The following GIT2 variants were observed in gnomAD, a reference collection of about 807,000 sequenced individuals.
GIT2 encodes ARF GTPase-activating protein GIT2.
GIT2 carries 32 observed loss-of-function variants against 100.3 expected under a neutral mutation model. The ratio of observed to expected loss-of-function variants is 0.32; its 90% CI spans 0.24 to 0.43. The LOEUF (loss-of-function observed/expected upper bound fraction) is 0.43. Among genes scored for constraint, GIT2 ranks in the 20% least tolerant of loss-of-function variants. The pLI is 1.00. For synonymous variants in GIT2, 353 were observed against 364.1 expected (o/e 0.97, Z 0.35); for missense variants, 737 against 975.1 (o/e 0.76, Z 3.25).
chr12:109,976,227 T>C (rs1885010085), intron 7 of GIT2, among the ~76,000 whole-genome samples: 1 of 152,086 alleles, frequency 6.6e-6, no homozygotes, highest in African/African-American at 2.4e-5. Flanking sequence ...TATCCCCTTT[T>C]ATATTATAGT....
At chr12:109,992,863 G>A (rs1888677548) in intron 1 of GIT2, among the ~76,000 whole-genome samples, 1 of 151,760 alleles carries the variant, frequency 6.6e-6, no homozygotes. Context: ...GTACAGACGA[G>A]GTTTCACCAT....
At chr12:109,950,970 T>G in intron 14 of GIT2, 197 bp downstream of exon 14, 1 of 616,442 alleles carries the variant, frequency 1.6e-6, no homozygotes, top group Non-Finnish European at 2.9e-6. Context: ...TTCTCCTACC[T>G]GGGGAACTTA....
chr12:109,961,154 A>G (rs2136395054), intron 11 of GIT2, 124 bp downstream of exon 11: 4 of 614,404 alleles, frequency 6.5e-6, no homozygotes, highest in South Asian at 6.1e-5. Context: ...TTGTGTGTGT[A>G]TATATGTATA....
At chr12:109,951,610 CTTGTT>C (rs1185645900) in intron 13 of GIT2, among the ~76,000 whole-genome samples, 4 of 152,208 alleles carry the variant, frequency 2.6e-5, no homozygotes, top group African/African-American at 7.2e-5. Context: ...CTCGTTCACT[CTTGTT>C]TTGTTTTTAT....
chr12:109,995,650 C>T (rs1328403936), intron 1 of GIT2, among the ~76,000 whole-genome samples: 1 of 152,176 alleles, frequency 6.6e-6, no homozygotes, highest in African/African-American at 2.4e-5. Flanking sequence ...GTTTGGAAGA[C>T]CCCGATCTCC....
intron 16 of GIT2, among the ~76,000 whole-genome samples, chr12:109,942,429 G>A (rs1875048544): frequency 6.6e-6 from 1 of 152,064 alleles, no homozygotes; most frequent in Admixed American, 6.6e-5. Flanking sequence ...GGCCTCCCAG[G>A]TTCAAGTGAT....
upstream of GIT2, chr12:109,998,304 A>C (rs1889738346): frequency 6.6e-6 from 1 of 152,242 alleles, no homozygotes; most frequent in Admixed American, 6.5e-5. Flanking sequence ...AACAACTCAC[A>C]AATCTTCTGG....
At chr12:109,992,765 G>C (rs10083041) in intron 1 of GIT2, among the ~76,000 whole-genome samples, 12,509 of 151,722 alleles carry the variant, frequency 0.082, 554 homozygotes, top group Middle Eastern at 0.13. Context: ...TCTGCCTCCA[G>C]GGTTCAAGCG....
At chr12:109,991,985 AAC>A (rs1179767441) in intron 1 of GIT2, 1 of 455,962 alleles carries the variant, frequency 2.2e-6, no homozygotes, top group Non-Finnish European at 3.9e-6. Flanking sequence ...GCCTTGGGTA[AAC>A]AGTTATCTTC....
chr12:109,953,283 T>C (rs777970469), intron 12 of GIT2, 49 bp from the exon 13 acceptor site: 2 of 1,592,202 alleles, frequency 1.3e-6, no homozygotes, highest in South Asian at 1.1e-5. Context: ...ACATTGCTTT[T>C]CTTCCAAAAA....
At chr12:109,967,893 G>C (rs1260590712) in intron 7 of GIT2, among the ~76,000 whole-genome samples, 1 of 152,110 alleles carries the variant, frequency 6.6e-6, no homozygotes, top group Admixed American at 6.5e-5. Context: ...GAATCTATTA[G>C]TATAAAACAG....
At chr12:109,996,433 T>C (rs1367485824), upstream of GIT2, 2 of 522,774 alleles carry the variant, frequency 3.8e-6, no homozygotes, top group Non-Finnish European at 6.8e-6. Context: ...AAGGGCACTC[T>C]GCCTTGTCGC....
rs755918306 is a variant in GIT2 at position 109,933,043 on chromosome 12, C to T, written c.2215G>A (p.Ala739Thr). The change falls in exon 20 of 20, where the codon GCG (alanine) becomes ACG (threonine). Residue 739 changes from alanine (A) to threonine (T), a missense_variant. By Grantham distance (58) the Ala-to-Thr change is moderately conservative (BLOSUM62 0). This residue lies in a region of GIT2 where 451 missense variants were observed against 543.7 expected (regional missense o/e 0.83). Transcript: ENST00000355312. This position sits in a 1 kb window ranked among gnomAD's most constrained non-coding sequence, Gnocchi z 4.5. ...TTGGCAGCCTTGGCGATGTCGTACG[C>T]ACACTGGATGACCTGCTGCGTGACC... ...QLVTQQVIQC[A>T]YDIAKAAKQL... 1 of 1,613,876 alleles carries T rather than the reference C, an allele frequency of 6.2e-7. No individual in the cohort carries two copies. The highest frequency in any genetic ancestry group is 2.2e-5 in the East Asian group (1 of 44,884).
chr12:109,985,591 T>A (rs997018949), intron 4 of GIT2, among the ~76,000 whole-genome samples: 2 of 152,150 alleles, frequency 1.3e-5, no homozygotes, highest in Admixed American at 6.5e-5. Flanking sequence ...GGCTCATGCC[T>A]GTAATCCCAG....
At position 109,947,325 on chromosome 12, in the gene GIT2, T is replaced by C. The variant is rs776951753; in HGVS notation, c.1572A>G (p.Pro524=). ...SMYETGSGQK[P]YLPMGEASRP... ...GGCTCGCTTCTCCCATTGGGAGATA[T>C]GGTTTCTGACCTGATCCGGTCTCGT... The change falls in exon 15 of 20, where the codon CCA becomes CCG. Residue 524 remains proline, a synonymous_variant. Transcript: ENST00000355312. The surrounding 1 kb of genome is among the most constrained non-coding windows in gnomAD (Gnocchi z 4.3). The C allele has an allele frequency of 4.0e-5, 65 of 1,613,822 alleles. No individual in the cohort carries two copies. The highest frequency in any genetic ancestry group is 6.7e-5 in the East Asian group (3 of 44,882).
chr12:109,996,213 C>T lies in GIT2; in HGVS notation c.12G>A (p.Arg4=). MSK[R]LRSSEVCADC... Reference sequence around the variant, plus strand: ...CAGCGCACACCTCGCTGCTCCGGAGCCGTTTCGACATGGCTCCCACCTCCC... The same window carrying T: ...CAGCGCACACCTCGCTGCTCCGGAGTCGTTTCGACATGGCTCCCACCTCCC... Residue 4 remains arginine (R), a synonymous_variant, in exon 1 of 20, where the codon CGG becomes CGA. Transcript: ENST00000355312. 1 of 1,532,912 alleles carries T rather than the reference C, an allele frequency of 6.5e-7. No homozygotes were observed. The highest frequency in any genetic ancestry group is 1.7e-4 in the Middle Eastern group (1 of 5,916). 95.0% of individuals were successfully genotyped at this position (1,532,912 alleles called of 1,614,324 possible).
chr12:109,956,666 A>T (rs1229401730), intron 12 of GIT2, among the ~76,000 whole-genome samples: 1 of 152,240 alleles, frequency 6.6e-6, no homozygotes, highest in African/African-American at 2.4e-5. Flanking sequence ...TTGTACACAC[A>T]TATTTACATA....
At chr12:109,991,834 GAA>G in intron 1 of GIT2, 74 bp from the exon 2 acceptor site, 1 of 1,369,184 alleles carries the variant, frequency 7.3e-7, no homozygotes, top group South Asian at 1.2e-5. Context: ...AAAGATGACT[GAA>G]GTTTGGTTTG....
Position 109,988,979 on chromosome 12 carries a change from G to C in GIT2, c.389C>G (p.Ala130Gly). The change falls in exon 4 of 20, where the codon GCC becomes GGC. Residue 130 changes from alanine (A) to glycine (G), a missense_variant. Coordinates refer to ENST00000355312, the MANE Select transcript of GIT2 (RefSeq NM_057169.5). The stretch of plus-strand genomic sequence containing the variant: ...GTGACCCACCTTGCTAAGATCTTTG[G>C]CAGTCACACTATCGTCATCCCGGCA... ...LPCRDDDSVT[A>G]KDLSKQLHSS... 1 of 1,596,338 alleles carries C rather than the reference G, an allele frequency of 6.3e-7. No individual in the cohort carries two copies. The highest frequency in any genetic ancestry group is 8.6e-7 in the Non-Finnish European group (1 of 1,164,092).
Sources: gnomAD v4.1 joint callset for allele counts (sites outside exome capture counted in the v4.1 genomes callset) on GRCh38, gnomAD v4.1.1 for gene constraint, gnomAD v4.1.1 regional missense constraint, Gnocchi (gnomAD v3.1) non-coding constraint, MANE v1.5 for transcripts, NCBI Gene and HGNC (gene_info 2026-07-23, HGNC 2026-07-21) for gene names.